The following QPCT variants were observed in gnomAD, a reference collection of about 807,000 sequenced individuals.
The protein encoded by QPCT is glutaminyl-peptide cyclotransferase, also known as EC.
A neutral mutation model predicts 43.4 loss-of-function variants in QPCT; 44 were observed. The ratio of observed to expected loss-of-function variants is 1.01; its 90% CI spans 0.80 to 1.30. QPCT has a LOEUF of 1.30. QPCT is among the 50% of genes most tolerant of loss of function. The pLI is 0.00. For missense variants in QPCT, 526 were observed against 436.5 expected, an observed-to-expected ratio of 1.21 and a Z score of -1.83; for synonymous variants, 168 against 168.4, an observed-to-expected ratio of 1.00 and a Z score of 0.02.
chr2:37,373,225 TA>T lies in QPCT; in HGVS notation c.*400del, dbSNP rs1673118270. On this transcript the variant is annotated 3_prime_UTR_variant, in exon 7 of 7. Coordinates refer to ENST00000338415, the MANE Select transcript of QPCT (RefSeq NM_012413.4). ...TTCATATGTGGAAATCTATTACATG[TA>T]ATACAAAACAAACATGTAGTTTGAA... 1 of 152,970 alleles carries T rather than the reference TA, an allele frequency of 6.5e-6. No individual in the cohort carries two copies. The highest frequency in any genetic ancestry group is 2.0e-4 in the South Asian group (1 of 4,880). 9.5% of individuals were successfully genotyped at this position (152,970 alleles called of 1,614,324 possible).
chr2:37,351,401 T>C (rs185185252), intron 1 of QPCT, among the ~76,000 whole-genome samples: 1 of 152,328 alleles, frequency 6.6e-6, no homozygotes, highest in Non-Finnish European at 1.5e-5. Context: ...ATTACCAGTA[T>C]CATAAGAATA....
chr2:37,371,507 A>T (rs74776202), intron 5 of QPCT, among the ~76,000 whole-genome samples: 1 of 151,776 alleles, frequency 6.6e-6, no homozygotes, highest in Non-Finnish European at 1.5e-5. Context: ...ACAGACAAGA[A>T]TATTGTTTTT....
intron 1 of QPCT, among the ~76,000 whole-genome samples, chr2:37,346,248 G>A (rs2124929066): frequency 6.6e-6 from 1 of 152,306 alleles, no homozygotes; most frequent in East Asian, 1.9e-4. Flanking sequence ...GGAACCTGGT[G>A]GTAGTGAGGG....
At chr2:37,367,811 G>A (rs755856777) in intron 4 of QPCT, among the ~76,000 whole-genome samples, 20 of 152,270 alleles carry the variant, frequency 1.3e-4, no homozygotes, top group African/African-American at 3.1e-4. Flanking sequence ...CGAGGCTGCC[G>A]TGAGCTATGA....
chr2:37,351,925 G>A (rs372395682), intron 1 of QPCT, among the ~76,000 whole-genome samples: 40 of 151,740 alleles, frequency 2.6e-4, no homozygotes, highest in African/African-American at 9.4e-4. Context: ...AGCTACTCAG[G>A]AGACTGAGGT....
Position 37,369,921 on chromosome 2 carries a change from G to T in QPCT, c.823+137G>T, listed in dbSNP as rs957423145. On this transcript the variant is annotated intron_variant, in intron 5 of 6. Transcript: ENST00000338415. ...AATCCTAGCACTTTGGGAGGCCAAGGCAGGCAGATCAGCTAGGGTCAGGAG... is the reference window on the plus strand; with the variant it reads ...AATCCTAGCACTTTGGGAGGCCAAGTCAGGCAGATCAGCTAGGGTCAGGAG... 8 of 752,720 alleles carry T rather than the reference G, an allele frequency of 1.1e-5. 1 individual carries two copies. The South Asian group carries it at 1.3e-4, about 13-fold the overall frequency. 46.6% of individuals were successfully genotyped at this position (752,720 alleles called of 1,614,324 possible).
Position 37,349,224 on chromosome 2 carries a change from C to T in QPCT, c.121-3565C>T, listed in dbSNP as rs149937489. Among the ~76,000 whole-genome samples, 446 of 152,294 alleles carry T rather than the reference C, an allele frequency of 2.9e-3. 2 individuals are homozygous for T. The highest frequency in any genetic ancestry group is 0.01 in the African/African-American group (428 of 41,568). On this transcript the variant is annotated intron_variant, in intron 1 of 6. Transcript: ENST00000338415. ...CAGAGGGGCAAGGAGAGTCAGGGCT[C>T]TTTACTGAAGTATGTTAATTAAATG...
chr2:37,366,346 T>C (rs535758773), intron 3 of QPCT, among the ~76,000 whole-genome samples: 20 of 152,318 alleles, frequency 1.3e-4, no homozygotes, highest in African/African-American at 4.6e-4. Context: ...ATTTTGCTTC[T>C]CATTCTATCC....
intron 2 of QPCT, among the ~76,000 whole-genome samples, chr2:37,356,067 C>T (rs1652797358): frequency 6.6e-6 from 1 of 152,190 alleles, no homozygotes; most frequent in Non-Finnish European, 1.5e-5. Flanking sequence ...AACACAAATA[C>T]TGGAAAATCG....
intron 4 of QPCT, chr2:37,368,554 C>T (rs1673010228): frequency 2.1e-6 from 1 of 470,628 alleles, no homozygotes; most frequent in Admixed American, 2.4e-5. Flanking sequence ...TATAAAAGTA[C>T]AAATGGTCAC....
rs1410653395 is a variant in QPCT, at chr2:37,372,815, T to G, written c.1074T>G (p.Tyr358Ter). 1.2e-6 allele frequency: 2 copies of G among 1,609,302 alleles called. No individual in the cohort carries two copies. Among genetic ancestry groups the G allele is most frequent in the Admixed American group, 3.4e-5 (2 of 59,408 alleles). The change falls in exon 7 of 7, where the codon TAT becomes TAG. Residue 358 changes from tyrosine to a stop codon, truncating the protein, a stop_gained. Coordinates refer to ENST00000338415, the MANE Select transcript of QPCT (RefSeq NM_012413.4). LOFTEE classifies it high-confidence loss of function. The stretch of plus-strand genomic sequence containing the variant: ...TCCTACAAGTCTTTGTGTTGGAATA[T>G]CTTCATTTGTAATACTCTGATTTAG... ...NKILQVFVLE[Y>*]LHL is the part of the protein sequence containing the mutation.
intron 5 of QPCT, among the ~76,000 whole-genome samples, chr2:37,370,851 G>A (rs1023404526): frequency 3.9e-5 from 6 of 152,156 alleles, no homozygotes; most frequent in Non-Finnish European, 8.8e-5. Flanking sequence ...CTCTTGGCAG[G>A]CATCAGGGAA....
At chr2:37,347,144 T>TTTTTTATA (rs1389307350) in intron 1 of QPCT, among the ~76,000 whole-genome samples, 1 of 55,346 alleles carries the variant, frequency 1.8e-5, no homozygotes, top group African/African-American at 9.4e-5. Context: ...ATGGGGTGTT[T>TTTTTTATA]TATATATATA....
intron 4 of QPCT, chr2:37,368,644 G>A (rs1391809335): frequency 2.1e-6 from 1 of 471,124 alleles, no homozygotes; most frequent in East Asian, 6.9e-5. Flanking sequence ...AGCTCCTAAT[G>A]GGCCAGGGGA....
chr2:37,345,092 C>G (rs1672454017), intron 1 of QPCT, among the ~76,000 whole-genome samples: 1 of 152,172 alleles, frequency 6.6e-6, no homozygotes, highest in South Asian at 2.1e-4. Flanking sequence ...TCACTGGCCT[C>G]TCCTGGGCTG....
chr2:37,368,522 G>A, intron 4 of QPCT: 2 of 463,498 alleles, frequency 4.3e-6, no homozygotes, highest in South Asian at 3.2e-5. Flanking sequence ...CCTATCCATT[G>A]CCCTATCACT....
intron 2 of QPCT, among the ~76,000 whole-genome samples, chr2:37,357,112 C>T (rs933134638): frequency 2.0e-5 from 3 of 151,944 alleles, no homozygotes; most frequent in African/African-American, 7.3e-5. Context: ...ATGATCAAGA[C>T]CTAGTAACAA....
chr2:37,345,835 C>CAAAA (rs70949752), intron 1 of QPCT, among the ~76,000 whole-genome samples: 18 of 82,446 alleles, frequency 2.2e-4, no homozygotes, highest in East Asian at 4.1e-4. Flanking sequence ...GACTCCGTCT[C>CAAAA]AAAAAAAAAA....
Position 37,352,883 on chromosome 2 carries a change from C to A in QPCT, c.215C>A (p.Pro72Gln). ...ISEMWQNDLQ[P>Q]LLIERYPGSP... ...GAAATGTGGCAAAATGACTTACAGC[C>A]ATTGCTGATAGAGCGATACCCGGGA... Residue 72 changes from proline (P) to glutamine (Q), a missense_variant, in exon 2 of 7, where the codon CCA becomes CAA. Pro to Gln is a moderately conservative substitution (Grantham distance 76). Coordinates refer to ENST00000338415, the MANE Select transcript of QPCT (RefSeq NM_012413.4). 1 of 1,614,168 alleles carries A rather than the reference C, an allele frequency of 6.2e-7. No homozygotes were observed. The highest frequency in any genetic ancestry group is 8.5e-7 in the Non-Finnish European group (1 of 1,180,032).
Sources: allele counts gnomAD v4.1 joint callset (sites outside exome capture counted in the v4.1 genomes callset), GRCh38; gene constraint gnomAD v4.1.1; transcripts MANE v1.5; gene names NCBI Gene and HGNC (gene_info 2026-07-23, HGNC 2026-07-21).